Variants in SNX29 observed in about 807,000 individuals in gnomAD.
SNX29 encodes the protein sorting nexin-29.
SNX29 carries 78 observed loss-of-function variants against 102.1 expected under a neutral mutation model. That is an observed-to-expected ratio of 0.76 (90% CI 0.64 to 0.92). The LOEUF is 0.92. SNX29 is among the 40% of genes least tolerant of loss of function. The pLI is 0.00. For synonymous variants in SNX29, 580 were observed against 414.5 expected, an observed-to-expected ratio of 1.40 and a Z score of -4.85; for missense variants, 1,280 against 1,061.7, an observed-to-expected ratio of 1.21 and a Z score of -2.86.
chr16:12,034,434 A>C (rs1179065693), intron 4 of SNX29, among the ~76,000 whole-genome samples: 1 of 152,212 alleles, frequency 6.6e-6, no homozygotes, highest in Non-Finnish European at 1.5e-5. Flanking sequence ...GCTCCATTCA[A>C]GGTGAAAAAA....
At chr16:12,411,511 A>G (rs2084397650) in intron 18 of SNX29, among the ~76,000 whole-genome samples, 1 of 152,264 alleles carries the variant, frequency 6.6e-6, no homozygotes, top group African/African-American at 2.4e-5. Flanking sequence ...CATATGTGTC[A>G]CTGCTGTCCT....
chr16:12,464,525 C>A (rs2086964260), intron 18 of SNX29, among the ~76,000 whole-genome samples: 3 of 152,144 alleles, frequency 2.0e-5, no homozygotes, highest in Non-Finnish European at 4.4e-5. Flanking sequence ...GCGATCACAG[C>A]TCACTGCAGC....
intron 3 of SNX29, among the ~76,000 whole-genome samples, chr16:12,023,229 A>G (rs1353436985): frequency 6.6e-6 from 1 of 151,884 alleles, no homozygotes; most frequent in Non-Finnish European, 1.5e-5. Context: ...TAAAATATTC[A>G]CTGTTGTTAA....
chr16:12,032,475 T>C (rs981771206), intron 4 of SNX29, among the ~76,000 whole-genome samples: 4 of 151,972 alleles, frequency 2.6e-5, no homozygotes, highest in African/African-American at 9.7e-5. Flanking sequence ...CAAAGTGCTG[T>C]GATTACAGGC....
At chr16:12,240,928 ATCTTTT>A (rs1256079247) in intron 14 of SNX29, among the ~76,000 whole-genome samples, 2 of 152,036 alleles carry the variant, frequency 1.3e-5, no homozygotes, top group Non-Finnish European at 2.9e-5. Context: ...CTTGTGGTAA[ATCTTTT>A]TCTTTTACTT....
At chr16:12,436,663 G>T (rs2085554271) in intron 18 of SNX29, among the ~76,000 whole-genome samples, 1 of 152,208 alleles carries the variant, frequency 6.6e-6, no homozygotes, top group Non-Finnish European at 1.5e-5. Context: ...CTGACCGGGG[G>T]ACTTTGGCTG....
intron 16 of SNX29, among the ~76,000 whole-genome samples, chr16:12,363,994 T>C (rs1183774616): frequency 6.6e-6 from 1 of 152,088 alleles, no homozygotes; most frequent in Non-Finnish European, 1.5e-5. Context: ...TCACTATATA[T>C]ACTTTACTTT....
At position 12,403,451 on chromosome 16, in the gene SNX29, A is replaced by G; in HGVS notation, c.1959A>G (p.Ser653=). The G allele has an allele frequency of 6.2e-7, 1 of 1,605,974 alleles. No homozygotes were observed. The highest frequency in any genetic ancestry group is 8.5e-7 in the Non-Finnish European group (1 of 1,175,972). Residue 653 remains serine, a synonymous_variant, in exon 18 of 21, where the codon TCA becomes TCG. Transcript: ENST00000566228. ...EDQSLSDFEI[S]NRALINVWIP... ...TCTCTCTCTTCCTTTTGGTTAGATC[A>G]AACCGGGCGCTGATCAACGTCTGGA...
At chr16:12,324,799 T>C (rs1044185036) in intron 15 of SNX29, among the ~76,000 whole-genome samples, 1 of 152,076 alleles carries the variant, frequency 6.6e-6, no homozygotes, top group African/African-American at 2.4e-5. Context: ...AATCCATCTA[T>C]CTGGGAGGTT....
intron 20 of SNX29, among the ~76,000 whole-genome samples, chr16:12,548,222 G>C (rs1442200574): frequency 6.6e-6 from 1 of 152,180 alleles, no homozygotes; most frequent in African/African-American, 2.4e-5. Flanking sequence ...GCTGGATCCT[G>C]CCACAGTGTT....
chr16:12,398,636 G>T, intron 17 of SNX29, 135 bp downstream of exon 17: 1 of 972,388 alleles, frequency 1.0e-6, no homozygotes. Context: ...TTCTTGTAGA[G>T]CTGGTAGGAG....
chr16:12,035,496 G>A (rs1319021882), intron 4 of SNX29, among the ~76,000 whole-genome samples: 1 of 152,230 alleles, frequency 6.6e-6, no homozygotes, highest in East Asian at 1.9e-4. Context: ...GAAGTTGGTA[G>A]AGTGACAGAG....
chr16:12,081,289 A>T (rs2051861096), intron 11 of SNX29: 2 of 152,350 alleles, frequency 1.3e-5, no homozygotes, highest in Non-Finnish European at 2.9e-5. Context: ...CACCAGCAAG[A>T]CCAGAAGTGG....
intron 3 of SNX29, among the ~76,000 whole-genome samples, chr16:12,012,546 C>G (rs558502171): frequency 1.7e-4 from 26 of 151,984 alleles, no homozygotes; most frequent in African/African-American, 6.0e-4. Context: ...GTAGCTGGGA[C>G]TACAGGCGCC....
At chr16:12,050,671 C>T (rs2050261615) in intron 7 of SNX29, among the ~76,000 whole-genome samples, 1 of 151,998 alleles carries the variant, frequency 6.6e-6, no homozygotes, top group African/African-American at 2.4e-5. Context: ...AAGCTGAGAC[C>T]TTTTAACACC....
chr16:12,240,430 A>G (rs2078066552), intron 14 of SNX29, among the ~76,000 whole-genome samples: 1 of 152,024 alleles, frequency 6.6e-6, no homozygotes, highest in Non-Finnish European at 1.5e-5. Flanking sequence ...CAATTTTTCC[A>G]GGACTATTGA....
intron 15 of SNX29, among the ~76,000 whole-genome samples, chr16:12,281,007 A>T (rs1490809840): frequency 6.6e-6 from 1 of 152,220 alleles, no homozygotes; most frequent in African/African-American, 2.4e-5. Context: ...TCCCCGGCTC[A>T]ACGGATCTTC....
intron 3 of SNX29, among the ~76,000 whole-genome samples, chr16:12,019,623 G>GATAGATAA (rs756218282): frequency 2.1e-5 from 3 of 145,610 alleles, no homozygotes; most frequent in African/African-American, 7.7e-5. Flanking sequence ...TAGATAGATA[G>GATAGATAA]ATATAGATAT....
intron 20 of SNX29, among the ~76,000 whole-genome samples, chr16:12,560,374 C>A (rs573799719): frequency 1.3e-5 from 2 of 152,094 alleles, no homozygotes; most frequent in African/African-American, 2.4e-5. Flanking sequence ...AGGTTGTGCG[C>A]TCAGTATTTT....
Sources: gnomAD v4.1 joint callset for allele counts (sites outside exome capture counted in the v4.1 genomes callset) on GRCh38, gnomAD v4.1.1 for gene constraint, MANE v1.5 for transcripts, NCBI Gene and HGNC (gene_info 2026-07-23, HGNC 2026-07-21) for gene names.